TMEM117: variants seen among roughly 807,000 people sequenced by gnomAD.
The protein encoded by TMEM117 is transmembrane protein 117.
TMEM117 carries 27 observed loss-of-function variants against 52.4 expected under a neutral mutation model. The ratio of observed to expected loss-of-function variants is 0.51; its 90% CI spans 0.38 to 0.71. The LOEUF is 0.71. Ranked by LOEUF, TMEM117 falls within the 30% of genes least tolerant of loss-of-function variation. TMEM117 has a pLI of 0.00. For synonymous variants in TMEM117, 215 were observed against 206.3 expected, an observed-to-expected ratio of 1.04 and a Z score of -0.36; for missense variants, 556 against 630.5, an observed-to-expected ratio of 0.88 and a Z score of 1.26.
chr12:44,195,433 T>G (rs957130081), intron 4 of TMEM117, among the ~76,000 whole-genome samples: 2 of 152,154 alleles, frequency 1.3e-5, no homozygotes, highest in Non-Finnish European at 2.9e-5. Flanking sequence ...ATCTTTCTTT[T>G]GCTGCTCATC....
intron 3 of TMEM117, among the ~76,000 whole-genome samples, chr12:44,111,605 CT>C (rs1254209674): frequency 9.7e-6 from 1 of 102,716 alleles, no homozygotes; most frequent in Non-Finnish European, 1.8e-5. Flanking sequence ...TTTACATTTG[CT>C]GAGGAGAGCT....
intron 5 of TMEM117, among the ~76,000 whole-genome samples, chr12:44,286,596 T>C (rs1950641678): frequency 1.3e-5 from 2 of 152,106 alleles, no homozygotes; most frequent in African/African-American, 4.8e-5. Flanking sequence ...TAAGTGGTAA[T>C]GAATGAAAGA....
the TMEM117 span, among the ~76,000 whole-genome samples, chr12:43,824,359 G>A: frequency 1.3e-5 from 2 of 152,196 alleles, no homozygotes; most frequent in African/African-American, 4.8e-5. Flanking sequence ...ATCCCTATTG[G>A]TAGAATGCAG....
intron 3 of TMEM117, among the ~76,000 whole-genome samples, chr12:43,978,110 C>T (rs1390694544): frequency 2.6e-5 from 4 of 152,072 alleles, no homozygotes; most frequent in African/African-American, 9.7e-5. Context: ...TGAAATTGTT[C>T]AGTTAAGTTC....
At chr12:43,839,880 T>A (rs1256913662) in intron 1 of TMEM117, among the ~76,000 whole-genome samples, 1 of 152,250 alleles carries the variant, frequency 6.6e-6, no homozygotes, top group Non-Finnish European at 1.5e-5. Flanking sequence ...GCTCTGAAAC[T>A]TTTGATAATT....
Position 43,900,435 on chromosome 12 carries a change from C to T in TMEM117, c.278-43775C>T, listed in dbSNP as rs769766091. On this transcript the variant is annotated intron_variant, in intron 2 of 7. Coordinates refer to ENST00000266534, the MANE Select transcript of TMEM117 (RefSeq NM_032256.3). ...TCATGCCCTTAAATTATCTTACATT[C>T]TCGGCTGGGCACGGTGGCTCACACC... Among the ~76,000 whole-genome samples, 3 of 151,924 alleles carry T rather than the reference C, an allele frequency of 2.0e-5. 1 individual carries two copies. Among genetic ancestry groups the T allele is most frequent in the African/African-American group, 4.8e-5 (2 of 41,370 alleles).
At chr12:44,142,750 A>C (rs1948588379) in intron 3 of TMEM117, among the ~76,000 whole-genome samples, 1 of 152,172 alleles carries the variant, frequency 6.6e-6, no homozygotes, top group African/African-American at 2.4e-5. Flanking sequence ...ACCATTTGTT[A>C]GTTATATGAT....
At chr12:44,119,058 T>C (rs906910752) in intron 3 of TMEM117, among the ~76,000 whole-genome samples, 2 of 152,216 alleles carry the variant, frequency 1.3e-5, no homozygotes, top group Non-Finnish European at 2.9e-5. Flanking sequence ...GACTCCAGAG[T>C]GAACAAAAGT....
intron 6 of TMEM117, among the ~76,000 whole-genome samples, chr12:44,332,507 T>A (rs1292547677): frequency 6.6e-6 from 1 of 152,182 alleles, no homozygotes; most frequent in South Asian, 2.1e-4. Context: ...AGATCCCTGT[T>A]GTAATCTAAG....
chr12:44,138,003 G>C (rs1193292031), intron 3 of TMEM117, among the ~76,000 whole-genome samples: 1 of 152,056 alleles, frequency 6.6e-6, no homozygotes, highest in Non-Finnish European at 1.5e-5. Context: ...TATATCATGT[G>C]TTCCCCAATA....
chr12:44,060,973 T>A (rs1947130021), intron 3 of TMEM117, among the ~76,000 whole-genome samples: 1 of 152,192 alleles, frequency 6.6e-6, no homozygotes. Flanking sequence ...GCCTCTCAGA[T>A]TTAGGCACTG....
chr12:43,991,210 G>A (rs191545847), intron 3 of TMEM117, among the ~76,000 whole-genome samples: 151 of 152,238 alleles, frequency 9.9e-4, no homozygotes, highest in African/African-American at 3.4e-3. Context: ...ATCAAGTCAT[G>A]CATCCTTTAA....
intron 2 of TMEM117, among the ~76,000 whole-genome samples, chr12:43,940,200 C>G (rs572428580): frequency 6.6e-6 from 1 of 152,280 alleles, no homozygotes; most frequent in East Asian, 1.9e-4. Flanking sequence ...TTTATGAACC[C>G]AGAAGCCCTC....
chr12:44,035,770 T>C (rs192736475), intron 3 of TMEM117, among the ~76,000 whole-genome samples: 182 of 152,336 alleles, frequency 1.2e-3, no homozygotes, highest in African/African-American at 4.1e-3. Context: ...AAATAGGTTA[T>C]GCTTGATAAC....
chr12:44,212,741 C>T (rs1466183839), intron 5 of TMEM117, among the ~76,000 whole-genome samples: 1 of 151,496 alleles, frequency 6.6e-6, no homozygotes, highest in African/African-American at 2.4e-5. Context: ...TGTATACCTG[C>T]CTTTTGAAAC....
intron 2 of TMEM117, among the ~76,000 whole-genome samples, chr12:43,891,166 C>T (rs1339760496): frequency 6.6e-6 from 1 of 151,686 alleles, no homozygotes; most frequent in African/African-American, 2.4e-5. Context: ...AAATAATGGC[C>T]CTTCCTTTTC....
At chr12:43,932,758 C>T (rs142526716) in intron 2 of TMEM117, among the ~76,000 whole-genome samples, 13 of 152,146 alleles carry the variant, frequency 8.5e-5, no homozygotes, top group African/African-American at 3.1e-4. Context: ...AAACTTGTAT[C>T]TTATGAATTA....
intron 5 of TMEM117, among the ~76,000 whole-genome samples, chr12:44,253,821 A>G (rs1182452272): frequency 2.0e-5 from 3 of 147,182 alleles, no homozygotes; most frequent in Non-Finnish European, 3.0e-5. Context: ...CTACTGTGCT[A>G]TACTGATAAT....
At chr12:44,220,300 A>T (rs1211706023) in intron 5 of TMEM117, among the ~76,000 whole-genome samples, 1 of 152,176 alleles carries the variant, frequency 6.6e-6, no homozygotes, top group African/African-American at 2.4e-5. Flanking sequence ...CAGAATCCAG[A>T]TTTCTCACTG....
Sources: gnomAD v4.1 joint callset for allele counts (sites outside exome capture counted in the v4.1 genomes callset) on GRCh38, gnomAD v4.1.1 for gene constraint, MANE v1.5 for transcripts, NCBI Gene and HGNC (gene_info 2026-07-23, HGNC 2026-07-21) for gene names.